Variants in NTM observed in about 807,000 individuals in gnomAD.
NTM encodes neurotrimin.
NTM carries 13 observed loss-of-function variants against 42.1 expected under a neutral mutation model. The observed-to-expected ratio is 0.31, with a 90% confidence interval of 0.20 to 0.49. The LOEUF (loss-of-function observed/expected upper bound fraction) is 0.49, where lower values mean the gene tolerates loss of function less well. NTM is among the 20% of genes least tolerant of loss of function. The pLI, the probability that NTM is intolerant of heterozygous loss-of-function variation, is 0.99. For missense variants in NTM, 373 were observed against 452.8 expected (o/e 0.82, Z 1.60); for synonymous variants, 187 against 179.2 (o/e 1.04, Z -0.35).
chr11:132,172,079 A>G (rs1354084112), intron 3 of NTM, among the ~76,000 whole-genome samples: 1 of 152,196 alleles, frequency 6.6e-6, no homozygotes, highest in Non-Finnish European at 1.5e-5. Flanking sequence ...TAGCAGAACA[A>G]CAAGTCAGAC....
At chr11:131,790,076 A>G (rs2090713043) in intron 1 of NTM, among the ~76,000 whole-genome samples, 1 of 152,134 alleles carries the variant, frequency 6.6e-6, no homozygotes, top group African/African-American at 2.4e-5. Flanking sequence ...TACAATAAAA[A>G]GTGTAAATTA....
chr11:131,623,171 G>A (rs1256679611), intron 1 of NTM, among the ~76,000 whole-genome samples: 4 of 152,190 alleles, frequency 2.6e-5, no homozygotes, highest in Non-Finnish European at 4.4e-5. Context: ...TGGGTGTGAA[G>A]TTTGCAATCA....
At chr11:132,095,685 C>A (rs1424437829) in intron 2 of NTM, among the ~76,000 whole-genome samples, 6 of 152,178 alleles carry the variant, frequency 3.9e-5, no homozygotes, top group Admixed American at 3.9e-4. Flanking sequence ...TGTGTCTAGG[C>A]GTGGTTGTCA....
At chr11:131,517,213 C>G (rs902407739) in intron 1 of NTM, among the ~76,000 whole-genome samples, 2 of 152,120 alleles carry the variant, frequency 1.3e-5, no homozygotes, top group Non-Finnish European at 2.9e-5. Flanking sequence ...CAAATGGATG[C>G]CTGATTGTGT....
chr11:132,314,573 G>A lies in NTM; in HGVS notation c.804G>A (p.Gly268=), dbSNP rs749742516. The change falls in exon 7 of 9, where the codon GGG becomes GGA. Residue 268 remains glycine (G), a synonymous_variant. Coordinates refer to ENST00000683400, the MANE Select transcript of NTM (RefSeq NM_001352005.2). The part of the protein sequence containing the change: ...DDKRLIEGKK[G]VKVENRPFLS... ...TCAGACTGATTGAAGGAAAGAAAGGGGTGAAAGTGGAAAACAGACCTTTCC... is the reference window on the plus strand; with the variant it reads ...TCAGACTGATTGAAGGAAAGAAAGGAGTGAAAGTGGAAAACAGACCTTTCC... 1.2e-6 allele frequency: 2 copies of A among 1,612,960 alleles called. No homozygotes were observed. The highest frequency in any genetic ancestry group is 2.2e-5 in the East Asian group (1 of 44,836).
At chr11:131,511,951 A>C (rs953678301) in intron 1 of NTM, among the ~76,000 whole-genome samples, 1 of 152,090 alleles carries the variant, frequency 6.6e-6, no homozygotes, top group Non-Finnish European at 1.5e-5. Flanking sequence ...CCCCTATTCT[A>C]TGGTCCAGAA....
intron 7 of NTM, among the ~76,000 whole-genome samples, chr11:132,319,089 G>A (rs1308836813): frequency 6.6e-6 from 1 of 152,214 alleles, no homozygotes; most frequent in Non-Finnish European, 1.5e-5. Context: ...CCATGTGACT[G>A]TATTCACAGA....
At chr11:132,097,717 G>A (rs753131494) in intron 2 of NTM, among the ~76,000 whole-genome samples, 22 of 152,314 alleles carry the variant, frequency 1.4e-4, no homozygotes, top group Admixed American at 6.5e-4. Flanking sequence ...TAGAGACTTC[G>A]TGAACACTCG....
chr11:131,876,150 C>T (rs185868487), intron 1 of NTM, among the ~76,000 whole-genome samples: 3 of 152,166 alleles, frequency 2.0e-5, no homozygotes, highest in Admixed American at 2.0e-4. Context: ...TCTGGTCTTT[C>T]TCCAAGAGTC....
intron 1 of NTM, among the ~76,000 whole-genome samples, chr11:131,689,407 G>T (rs2074370604): frequency 6.6e-6 from 1 of 152,254 alleles, no homozygotes; most frequent in Admixed American, 6.5e-5. Context: ...AGGGCAGAGT[G>T]AATCTGTGTC....
intron 7 of NTM, among the ~76,000 whole-genome samples, chr11:132,321,558 T>A (rs902332850): frequency 3.9e-5 from 6 of 152,232 alleles, no homozygotes; most frequent in Non-Finnish European, 8.8e-5. Flanking sequence ...CTGATTGGTG[T>A]ACCTGAAAGT....
intron 4 of NTM, among the ~76,000 whole-genome samples, chr11:132,213,392 A>G (rs140688585): frequency 4.7e-4 from 72 of 152,156 alleles, no homozygotes; most frequent in Non-Finnish European, 9.3e-4. Flanking sequence ...GGTCCTCTAC[A>G]TCGGCACAGC....
intron 1 of NTM, among the ~76,000 whole-genome samples, chr11:131,558,737 T>C (rs1300970601): frequency 1.3e-5 from 2 of 152,100 alleles, no homozygotes; most frequent in East Asian, 3.9e-4. Context: ...ACACATAAGG[T>C]TCACGTCTTT....
chr11:132,279,741 C>T (rs1050678176), intron 4 of NTM, among the ~76,000 whole-genome samples: 3 of 152,284 alleles, frequency 2.0e-5, no homozygotes, highest in African/African-American at 7.2e-5. Context: ...TCTCCACCCA[C>T]ACACATGCCC....
intron 1 of NTM, among the ~76,000 whole-genome samples, chr11:131,568,891 T>C (rs1477007606): frequency 8.5e-5 from 13 of 152,290 alleles, no homozygotes; most frequent in African/African-American, 2.6e-4. Flanking sequence ...ATGCTCTCTC[T>C]CTCTCTTTTT....
chr11:131,737,206 G>A (rs914254499), intron 1 of NTM, among the ~76,000 whole-genome samples: 2 of 152,200 alleles, frequency 1.3e-5, no homozygotes, highest in African/African-American at 4.8e-5. Flanking sequence ...TTGGTCTTGT[G>A]AGGTGAGCTC....
chr11:132,335,370 TGGA>T lies in NTM; in HGVS notation c.*226_*228del. ...TTGCCTTGCAGATATTTAGGTACAA[TGGA>T]GTTTTCTTTTCCCAAACGGGAAGAA... On this transcript the variant is annotated 3_prime_UTR_variant, in exon 9 of 9. Transcript: ENST00000683400. The T allele has an allele frequency of 1.9e-6, 1 of 530,512 alleles. No individual in the cohort carries two copies. The highest frequency in any genetic ancestry group is 3.5e-5 in the East Asian group (1 of 28,542). The allele number at this position is 530,512 out of a possible 1,614,324, so 32.9% of individuals were successfully genotyped here. A position where few individuals can be genotyped will look rare whatever the true frequency, so the allele number is the denominator to read the frequency against.
At chr11:131,941,212 G>A (rs1457424619) in intron 2 of NTM, among the ~76,000 whole-genome samples, 1 of 152,204 alleles carries the variant, frequency 6.6e-6, no homozygotes, top group African/African-American at 2.4e-5. Context: ...TATTGTGTTT[G>A]TGTGGCTCTA....
chr11:132,315,260 G>T (rs1168202220), intron 7 of NTM, among the ~76,000 whole-genome samples: 7 of 152,108 alleles, frequency 4.6e-5, no homozygotes, highest in African/African-American at 1.7e-4. Context: ...CCCCACCTTC[G>T]TCACATATCT....
Sources: gnomAD v4.1 joint callset for allele counts (sites outside exome capture counted in the v4.1 genomes callset) on GRCh38, gnomAD v4.1.1 for gene constraint, MANE v1.5 for transcripts, NCBI Gene and HGNC (gene_info 2026-07-23, HGNC 2026-07-21) for gene names.